Variants in ANKIB1 observed in about 807,000 individuals in gnomAD.
ANKIB1 encodes ankyrin repeat and IBR domain-containing protein 1.
In ANKIB1, 43 loss-of-function variants were observed where a neutral mutation model predicts 122.1. The observed-to-expected ratio is 0.35, with a 90% CI of 0.28 to 0.45. The LOEUF is 0.45. Among genes scored for constraint, ANKIB1 ranks in the 20% least tolerant of loss-of-function variants. ANKIB1 has a pLI of 1.00. For synonymous variants in ANKIB1, 390 were observed against 442.0 expected, an observed-to-expected ratio of 0.88 and a Z score of 1.48; for missense variants, 992 against 1,329.5, an observed-to-expected ratio of 0.75 and a Z score of 3.95.
chr7:92,279,314 C>A (rs1436060404), intron 1 of ANKIB1, among the ~76,000 whole-genome samples: 1 of 152,168 alleles, frequency 6.6e-6, no homozygotes, highest in Non-Finnish European at 1.5e-5. Context: ...TCCAGTCTGT[C>A]AGGAATAGGT....
chr7:92,289,360 G>A (rs1802201254), intron 1 of ANKIB1, among the ~76,000 whole-genome samples: 1 of 152,134 alleles, frequency 6.6e-6, no homozygotes, highest in Non-Finnish European at 1.5e-5. Context: ...TAAATGTAGT[G>A]ATTTTTATCC....
At chr7:92,273,390 C>T (rs1801837769) in intron 1 of ANKIB1, among the ~76,000 whole-genome samples, 1 of 152,160 alleles carries the variant, frequency 6.6e-6, no homozygotes, top group African/African-American at 2.4e-5. Flanking sequence ...CAGCTTTGTC[C>T]TTTCTGTCTC....
intron 1 of ANKIB1, among the ~76,000 whole-genome samples, chr7:92,251,486 TC>T (rs1801330309): frequency 6.6e-6 from 1 of 152,176 alleles, no homozygotes; most frequent in Admixed American, 6.5e-5. Flanking sequence ...ATCTTTATTT[TC>T]AGATGAAAAA....
chr7:92,347,898 T>C, intron 7 of ANKIB1: 1 of 375,780 alleles, frequency 2.7e-6, no homozygotes, highest in Non-Finnish European at 5.1e-6. Flanking sequence ...AACAGGATCT[T>C]GCATATAGTA....
chr7:92,268,208 G>A (rs1801713849), intron 1 of ANKIB1, among the ~76,000 whole-genome samples: 1 of 152,178 alleles, frequency 6.6e-6, no homozygotes, highest in Non-Finnish European at 1.5e-5. Flanking sequence ...TCTCCATTGA[G>A]TTAACTTTGT....
intron 5 of ANKIB1, among the ~76,000 whole-genome samples, chr7:92,331,656 C>G (rs1212209622): frequency 6.6e-6 from 1 of 152,062 alleles, no homozygotes; most frequent in East Asian, 1.9e-4. Flanking sequence ...GAGAAAAGAG[C>G]CTGAAGGAAC....
intron 5 of ANKIB1, among the ~76,000 whole-genome samples, chr7:92,337,022 A>G (rs1194208207): frequency 6.6e-6 from 1 of 152,148 alleles, no homozygotes; most frequent in African/African-American, 2.4e-5. Flanking sequence ...ATCATTTGTA[A>G]ATAATGATAA....
chr7:92,373,206 TC>T (rs1804312582), intron 11 of ANKIB1, among the ~76,000 whole-genome samples: 1 of 152,186 alleles, frequency 6.6e-6, no homozygotes, highest in Admixed American at 6.5e-5. Context: ...AATTATTTCA[TC>T]TATTTGTGAT....
chr7:92,256,335 T>TA (rs1354561434), intron 1 of ANKIB1, among the ~76,000 whole-genome samples: 1 of 152,172 alleles, frequency 6.6e-6, no homozygotes, highest in African/African-American at 2.4e-5. Context: ...TGCCTTTTAA[T>TA]AAAGTTAATT....
At chr7:92,398,184 A>G in intron 19 of ANKIB1, 28 bp from the exon 20 acceptor site, 7 of 1,536,068 alleles carry the variant, frequency 4.6e-6, no homozygotes, top group Non-Finnish European at 6.1e-6. Context: ...GTCAAATTTT[A>G]AAGTGGTTTT....
Position 92,399,047 on chromosome 7 carries a change from G to A in ANKIB1, c.*98G>A. On this transcript the variant is annotated 3_prime_UTR_variant, in exon 20 of 20. Coordinates refer to ENST00000265742, the MANE Select transcript of ANKIB1 (RefSeq NM_019004.2). The stretch of plus-strand genomic sequence containing the variant: ...CTTTGATTCACTTAATTCCAACTCA[G>A]TGATAAACCACTGACATTAGGGTTG... 1.5e-6 allele frequency: 2 copies of A among 1,348,102 alleles called. No individual in the cohort carries two copies. The highest frequency in any genetic ancestry group is 3.6e-5 in the South Asian group (2 of 55,810). 83.5% of individuals were successfully genotyped at this position (1,348,102 alleles called of 1,614,324 possible).
rs144833260 is a variant in ANKIB1 at position 92,372,561 on chromosome 7, A to C, written c.1617+954A>C. Among the ~76,000 whole-genome samples, 54 of 152,324 alleles carry C rather than the reference A, an allele frequency of 3.5e-4. 1 individual carries two copies. In the East Asian group the frequency reaches 8.1e-3, roughly 23 times the overall value. ...TGCTAATAAAACCTTCAATTAAATA[A>C]GTAACTGTTTATTATATTGAAAATG... On this transcript the variant is annotated intron_variant, in intron 11 of 19. Transcript: ENST00000265742.
chr7:92,389,967 T>G lies in ANKIB1; in HGVS notation c.1907-4T>G. 1 of 1,581,226 alleles carries G rather than the reference T, an allele frequency of 6.3e-7. No homozygotes were observed. Among genetic ancestry groups the G allele is most frequent in the Non-Finnish European group, 8.5e-7 (1 of 1,170,160 alleles). On this transcript the variant is annotated splice_polypyrimidine_tract_variant and splice_region_variant and intron_variant, in intron 14 of 19. Transcript: ENST00000265742. Reference sequence around the variant, plus strand: ...AAATTCACTGTGCCTCAATTACTTTTTAGCTGAAGGAGGCTGTCCAGATAC... The same window carrying G: ...AAATTCACTGTGCCTCAATTACTTTGTAGCTGAAGGAGGCTGTCCAGATAC...
chr7:92,387,869 T>A lies in ANKIB1; in HGVS notation c.1824T>A (p.His608Gln), dbSNP rs1479275758. The change falls in exon 13 of 20, where the codon CAT becomes CAA. Residue 608 changes from histidine to glutamine, a missense_variant. By Grantham distance (24) the His-to-Gln change is conservative. Transcript: ENST00000265742. The part of the protein sequence containing the change: ...FMHYYTRFKN[H>Q]EHSYQLEQRL... ...ACTATTATACAAGATTTAAAAACCA[T>A]GAGCATAGTTATCAGGTATGTCCCA... 6.2e-7 allele frequency: 1 copy of A among 1,611,826 alleles called. No homozygotes were observed. Among genetic ancestry groups the A allele is most frequent in the Admixed American group, 1.7e-5 (1 of 59,810 alleles).
chr7:92,285,546 T>C (rs1802103160), intron 1 of ANKIB1, among the ~76,000 whole-genome samples: 1 of 152,232 alleles, frequency 6.6e-6, no homozygotes, highest in Non-Finnish European at 1.5e-5. Flanking sequence ...AAAAGAATAT[T>C]ATTTTCTAGA....
chr7:92,288,035 C>CAAAA (rs35766675), intron 1 of ANKIB1, among the ~76,000 whole-genome samples: 14 of 90,164 alleles, frequency 1.6e-4, no homozygotes, highest in Middle Eastern at 5.7e-3. Context: ...GACTCCGTCT[C>CAAAA]AAAAAAAAAA....
chr7:92,307,686 A>G (rs749837409), intron 3 of ANKIB1, 30 bp downstream of exon 3: 1 of 1,408,162 alleles, frequency 7.1e-7, no homozygotes. Context: ...AATATTCTGC[A>G]TTGTAAAATT....
chr7:92,315,781 A>G (rs977310680), intron 3 of ANKIB1, among the ~76,000 whole-genome samples: 3 of 152,220 alleles, frequency 2.0e-5, no homozygotes, highest in African/African-American at 7.2e-5. Flanking sequence ...TAGAAGTCAT[A>G]TTCCTGGGCA....
At chr7:92,388,129 T>G (rs571555461) in intron 14 of ANKIB1, 88 bp downstream of exon 14, 7 of 1,219,882 alleles carry the variant, frequency 5.7e-6, no homozygotes, top group Non-Finnish European at 8.2e-6. Flanking sequence ...CTGAAAGGAA[T>G]ACATTATGTT....
Sources: allele counts gnomAD v4.1 joint callset (sites outside exome capture counted in the v4.1 genomes callset), GRCh38; gene constraint gnomAD v4.1.1; transcripts MANE v1.5; gene names NCBI Gene and HGNC (gene_info 2026-07-23, HGNC 2026-07-21).